The following PPIH variants were observed in gnomAD, a reference collection of about 807,000 sequenced individuals.
PPIH encodes the protein peptidylprolyl isomerase H, also known as peptidyl-prolyl cis-trans isomerase H.
A neutral mutation model predicts 27.6 loss-of-function variants in PPIH; 16 were observed. The ratio of observed to expected loss-of-function variants is 0.58; its 90% CI spans 0.39 to 0.88. The LOEUF is 0.88. PPIH is among the 40% of genes least tolerant of loss of function. The pLI is 0.00. For synonymous variants in PPIH, 63 were observed against 76.1 expected (o/e 0.83, Z 0.90); for missense variants, 155 against 224.1 (o/e 0.69, Z 1.97).
intron 9 of PPIH, among the ~76,000 whole-genome samples, chr1:42,672,364 G>A (rs1649684433): frequency 6.6e-6 from 1 of 151,502 alleles, no homozygotes. Context: ...TCTTTTAATT[G>A]AGAACTTGCC....
intron 9 of PPIH, among the ~76,000 whole-genome samples, chr1:42,674,920 G>A (rs1649809634): frequency 6.6e-6 from 1 of 152,190 alleles, no homozygotes; most frequent in African/African-American, 2.4e-5. Flanking sequence ...CAGTACAAAG[G>A]CAAAGCTGCT....
downstream of PPIH, chr1:42,681,181 C>G (rs983710008): frequency 6.6e-6 from 1 of 152,196 alleles, no homozygotes; most frequent in Non-Finnish European, 1.5e-5. Flanking sequence ...GCTCTTCTCA[C>G]TCTTCCCCTC....
chr1:42,659,667 C>A, intron 4 of PPIH, 101 bp downstream of exon 4: 1 of 1,496,620 alleles, frequency 6.7e-7, no homozygotes. Flanking sequence ...TCTTACATTT[C>A]TTGAGAAGAA....
chr1:42,666,493 G>C (rs1649344454), intron 7 of PPIH, 54 bp from the exon 8 acceptor site: 1 of 1,560,978 alleles, frequency 6.4e-7, no homozygotes, highest in Non-Finnish European at 8.8e-7. Flanking sequence ...GGCTTTGGAA[G>C]CTGGAAAATG....
At chr1:42,659,677 A>G in intron 4 of PPIH, 111 bp downstream of exon 4, 1 of 1,478,520 alleles carries the variant, frequency 6.8e-7, no homozygotes, top group South Asian at 1.4e-5. Context: ...CTTGAGAAGA[A>G]ATGTTTTTGT....
At chr1:42,678,644 C>T (rs1443106218), downstream of PPIH, 2 of 152,256 alleles carry the variant, frequency 1.3e-5, no homozygotes, top group East Asian at 3.8e-4. Flanking sequence ...CATGATCTGC[C>T]CACCTCGGCC....
intron 5 of PPIH, among the ~76,000 whole-genome samples, chr1:42,662,058 T>A (rs551450422): frequency 1.3e-5 from 2 of 152,316 alleles, no homozygotes; most frequent in Non-Finnish European, 2.9e-5. Context: ...GGGAAACAGA[T>A]AATGGTAGTA....
chr1:42,666,242 G>C (rs145357074), intron 7 of PPIH, among the ~76,000 whole-genome samples, 175 bp downstream of exon 7: 46 of 152,276 alleles, frequency 3.0e-4, no homozygotes, highest in African/African-American at 1.0e-3. Flanking sequence ...GAGAACTAGA[G>C]GGAAGGACAA....
chr1:42,672,959 T>C (rs536991003), intron 9 of PPIH, among the ~76,000 whole-genome samples: 1 of 152,056 alleles, frequency 6.6e-6, no homozygotes, highest in East Asian at 1.9e-4. Context: ...TGTACAACTT[T>C]AGTTATAGAA....
chr1:42,663,783 C>A (rs563553024), intron 5 of PPIH, among the ~76,000 whole-genome samples: 1 of 152,244 alleles, frequency 6.6e-6, no homozygotes, highest in East Asian at 1.9e-4. Flanking sequence ...TTTCTTTATT[C>A]TCTGGCTTAT....
chr1:42,672,381 C>CAA (rs1239564464), intron 9 of PPIH, among the ~76,000 whole-genome samples: 1 of 140,802 alleles, frequency 7.1e-6, no homozygotes, highest in African/African-American at 2.6e-5. Context: ...TGCCATATTC[C>CAA]AAAAAAAAAA....
chr1:42,678,365 G>A (rs1649948111), downstream of PPIH, among the ~76,000 whole-genome samples: 1 of 152,168 alleles, frequency 6.6e-6, no homozygotes, highest in Non-Finnish European at 1.5e-5. Context: ...GTATTAGAAT[G>A]TGAGCCCGTG....
chr1:42,660,203 A>T (rs1046266127), intron 4 of PPIH, among the ~76,000 whole-genome samples: 2 of 152,188 alleles, frequency 1.3e-5, no homozygotes, highest in Admixed American at 6.5e-5. Context: ...AGTACATTTC[A>T]CATAAATTCT....
At chr1:42,667,224 T>C (rs1649387687) in intron 8 of PPIH, 127 bp from the exon 9 acceptor site, 2 of 744,018 alleles carry the variant, frequency 2.7e-6, no homozygotes, top group Admixed American at 4.7e-5. Flanking sequence ...TTTACCTGTC[T>C]GCCAGGACAT....
chr1:42,673,698 C>G (rs1330310623), intron 9 of PPIH, among the ~76,000 whole-genome samples: 1 of 152,196 alleles, frequency 6.6e-6, no homozygotes, highest in East Asian at 1.9e-4. Context: ...GTGGGAAACA[C>G]TACTTTAGTT....
At chr1:42,671,976 C>T (rs974668068) in intron 9 of PPIH, among the ~76,000 whole-genome samples, 5 of 151,650 alleles carry the variant, frequency 3.3e-5, no homozygotes, top group African/African-American at 1.2e-4. Context: ...CTCTGCCTCC[C>T]AGGTTCAAGC....
chr1:42,666,160 C>T (rs1458075193), intron 7 of PPIH, 93 bp downstream of exon 7: 14 of 1,236,012 alleles, frequency 1.1e-5, no homozygotes, highest in Non-Finnish European at 1.5e-5. Flanking sequence ...CAAGAAAGCT[C>T]AACCTGTGTA....
At chr1:42,667,844 C>T (rs1221243109) in intron 9 of PPIH, among the ~76,000 whole-genome samples, 1 of 152,220 alleles carries the variant, frequency 6.6e-6, no homozygotes, top group African/African-American at 2.4e-5. Context: ...AGCCAGGAGA[C>T]ACACCTGTCA....
intron 4 of PPIH, among the ~76,000 whole-genome samples, chr1:42,660,244 AC>A (rs1367632110): frequency 6.6e-6 from 1 of 151,894 alleles, no homozygotes; most frequent in Non-Finnish European, 1.5e-5. Flanking sequence ...TTTACATCAA[AC>A]CCTTGCTCTG....
Sources: allele counts gnomAD v4.1 joint callset (sites outside exome capture counted in the v4.1 genomes callset), GRCh38; gene constraint gnomAD v4.1.1; transcripts MANE v1.5; gene names NCBI Gene and HGNC (gene_info 2026-07-23, HGNC 2026-07-21).